The following NBPF20 variants were observed in gnomAD, a reference collection of about 807,000 sequenced individuals.
The protein encoded by NBPF20 is NBPF family member NBPF20.
In NBPF20, 90 loss-of-function variants were observed where a neutral mutation model predicts 68.1. The ratio of observed to expected loss-of-function variants is 1.32; its 90% CI spans 1.11 to 1.58. The LOEUF is 1.58. Among genes scored for constraint, NBPF20 ranks in the 40% most tolerant of loss-of-function variants. NBPF20 has a pLI of 0.00. For synonymous variants in NBPF20, 290 were observed against 228.1 expected (o/e 1.27, Z -2.45); for missense variants, 816 against 601.2 (o/e 1.36, Z -3.74).
chr1:145,410,797 C>CGT, the NBPF20 span, among the ~76,000 whole-genome samples: 1 of 72,974 alleles, frequency 1.4e-5, no homozygotes, highest in African/African-American at 6.9e-5. Context: ...CATATATATA[C>CGT]GTATATGTAT....
chr1:145,291,815 A>C (rs61812475), intron 137 of NBPF20, 46 bp from the exon 143 acceptor site: 41 of 1,611,784 alleles, frequency 2.5e-5, no homozygotes, highest in East Asian at 1.8e-4. Flanking sequence ...GAAAATCAGA[A>C]ACCACAGAGC....
intron 2 of NBPF20, among the ~76,000 whole-genome samples, chr1:145,404,248 GATTT>G (rs1291976425): frequency 4.0e-5 from 5 of 125,138 alleles, no homozygotes; most frequent in South Asian, 2.6e-4. Flanking sequence ...TTTTATTTTT[GATTT>G]ATTTATCTTT....
At chr1:145,403,183 G>A (rs1553665895) in intron 3 of NBPF20, 33 bp downstream of exon 8, 77 of 1,611,340 alleles carry the variant, frequency 4.8e-5, no homozygotes, top group Non-Finnish European at 6.0e-5. Context: ...TTACACACCT[G>A]CCCCCCTGCC....
At chr1:145,397,493 T>C (rs1662309807) in intron 7 of NBPF20, among the ~76,000 whole-genome samples, 1 of 152,176 alleles carries the variant, frequency 6.6e-6, no homozygotes, top group Non-Finnish European at 1.5e-5. Context: ...CAAAGCTTCA[T>C]AAGTGAAGGA....
At chr1:145,407,604 CTTTT>C (rs1304463710), upstream of NBPF20, among the ~76,000 whole-genome samples, 9 of 146,056 alleles carry the variant, frequency 6.2e-5, no homozygotes, top group Admixed American at 2.8e-4. Context: ...ATATATTTTT[CTTTT>C]TTAAGTGGCG....
At chr1:145,340,812 A>C (rs1661599739) in exon 76 of NBPF20, 2 of 153,548 alleles carry the variant, frequency 1.3e-5, no homozygotes, top group Admixed American at 9.9e-5. Flanking sequence ...TCCAATACGT[A>C]AAAGGCACTT....
At chr1:145,410,012 A>G (rs1662944341), upstream of NBPF20, among the ~76,000 whole-genome samples, 1 of 151,958 alleles carries the variant, frequency 6.6e-6, no homozygotes, top group African/African-American at 2.4e-5. Flanking sequence ...AAACACACAT[A>G]CAGATCATTG....
At chr1:145,424,305 C>G in the NBPF20 span, among the ~76,000 whole-genome samples, 1 of 151,738 alleles carries the variant, frequency 6.6e-6, no homozygotes, top group South Asian at 2.1e-4. Context: ...GTGAACCTCT[C>G]TGTATACTTC....
chr1:145,414,984 C>G, the NBPF20 span, among the ~76,000 whole-genome samples: 1 of 152,092 alleles, frequency 6.6e-6, no homozygotes, highest in Non-Finnish European at 1.5e-5. Flanking sequence ...AAAATGGGCC[C>G]AGGGGACCGG....
chr1:145,402,287 C>T (rs1662559142), exon 4 of NBPF20: 21 of 1,610,358 alleles, frequency 1.3e-5, no homozygotes, highest in Non-Finnish European at 1.8e-5. Flanking sequence ...TGGAGATGCT[C>T]ATTCAATGAG....
chr1:145,393,529 G>C (rs1274381973), intron 9 of NBPF20, among the ~76,000 whole-genome samples: 4 of 151,824 alleles, frequency 2.6e-5, no homozygotes, highest in Admixed American at 2.0e-4. Context: ...ACACACTGAT[G>C]AGGGAGTCAA....
chr1:145,408,016 G>C (rs1249500847), upstream of NBPF20: 8 of 178,442 alleles, frequency 4.5e-5, no homozygotes, highest in Non-Finnish European at 6.2e-5. Context: ...ACGGATCTTC[G>C]TATGAAGAGC....
At chr1:145,411,003 T>C in the NBPF20 span, among the ~76,000 whole-genome samples, 7 of 140,294 alleles carry the variant, frequency 5.0e-5, no homozygotes, top group African/African-American at 1.8e-4. Flanking sequence ...CTTCCACTGA[T>C]ATATATTCCA....
chr1:145,417,758 C>A, the NBPF20 span, among the ~76,000 whole-genome samples: 11 of 145,376 alleles, frequency 7.6e-5, no homozygotes, highest in African/African-American at 2.6e-4. Flanking sequence ...CGAGATATCA[C>A]TGTAAACCTA....
chr1:145,393,567 A>G (rs1397488607), intron 9 of NBPF20, among the ~76,000 whole-genome samples: 1 of 152,116 alleles, frequency 6.6e-6, no homozygotes, highest in Non-Finnish European at 1.5e-5. Flanking sequence ...TGCTCTCAGG[A>G]CACACTGTGA....
the NBPF20 span, among the ~76,000 whole-genome samples, chr1:145,425,428 C>T: frequency 6.6e-6 from 1 of 152,190 alleles, no homozygotes; most frequent in Non-Finnish European, 1.5e-5. Context: ...CGCGCCTCGG[C>T]CCGCTCCTGG....
At chr1:145,393,711 G>A (rs1251200103) in intron 9 of NBPF20, 173 bp downstream of exon 14, 101 of 1,484,562 alleles carry the variant, frequency 6.8e-5, no homozygotes, top group Non-Finnish European at 5.6e-5. Context: ...AGGGTAGGAA[G>A]AAATGGAAAC....
At chr1:145,410,751 CATATATAT>C in the NBPF20 span, among the ~76,000 whole-genome samples, 2 of 109,966 alleles carry the variant, frequency 1.8e-5, no homozygotes, top group African/African-American at 6.9e-5. Flanking sequence ...TATATATATA[CATATATAT>C]ATATACGTAT....
chr1:145,334,876 C>A (rs1294010230), intron 83 of NBPF20, among the ~76,000 whole-genome samples: 1 of 137,564 alleles, frequency 7.3e-6, no homozygotes, highest in Non-Finnish European at 1.7e-5. Context: ...GTAAGCTCAG[C>A]GAGTTGGCCG....
Sources: gnomAD v4.1 joint callset for allele counts (sites outside exome capture counted in the v4.1 genomes callset) on GRCh38, gnomAD v4.1.1 for gene constraint, MANE v1.5 for transcripts, NCBI Gene and HGNC (gene_info 2026-07-23, HGNC 2026-07-21) for gene names.